Variants in KIF26B observed in about 807,000 individuals in gnomAD.
The protein encoded by KIF26B is kinesin family member 26B.
Under a neutral mutation model 151.2 loss-of-function variants are expected in KIF26B, and 63 were observed. The observed-to-expected ratio is 0.42, with a 90% CI of 0.34 to 0.51. KIF26B has a LOEUF of 0.51. KIF26B is among the 20% of genes least tolerant of loss of function. KIF26B has a pLI of 0.07. For synonymous variants in KIF26B, 1,357 were observed against 1,262.1 expected (o/e 1.08, Z -1.59); for missense variants, 2,813 against 2,913.6 (o/e 0.97, Z 0.79).
intron 4 of KIF26B, among the ~76,000 whole-genome samples, chr1:245,445,006 C>T (rs1370811329): frequency 1.3e-5 from 2 of 152,196 alleles, no homozygotes; most frequent in Non-Finnish European, 2.9e-5. Flanking sequence ...GGGGATCCCT[C>T]GCATACATCC....
intron 2 of KIF26B, among the ~76,000 whole-genome samples, chr1:245,300,398 C>T (rs1255189610): frequency 6.6e-6 from 1 of 152,146 alleles, no homozygotes; most frequent in Non-Finnish European, 1.5e-5. Context: ...GTGTGGAGTC[C>T]CAGGTCAAGC....
chr1:245,464,223 C>T (rs953868769), intron 4 of KIF26B, among the ~76,000 whole-genome samples: 2 of 152,204 alleles, frequency 1.3e-5, no homozygotes, highest in African/African-American at 4.8e-5. Context: ...ATTGAAGACC[C>T]ATCAAAGACC....
At chr1:245,255,539 A>G (rs925301077) in intron 2 of KIF26B, among the ~76,000 whole-genome samples, 1 of 152,108 alleles carries the variant, frequency 6.6e-6, no homozygotes, top group Non-Finnish European at 1.5e-5. Context: ...ACATCATGTG[A>G]TTTGTATGTT....
intron 1 of KIF26B, among the ~76,000 whole-genome samples, chr1:245,156,048 C>T (rs1199457550): frequency 6.6e-6 from 1 of 152,188 alleles, no homozygotes; most frequent in Non-Finnish European, 1.5e-5. Context: ...CCCTTCCTGA[C>T]CCCAGGAGGA....
chr1:245,545,032 C>G (rs79042743), intron 5 of KIF26B, among the ~76,000 whole-genome samples: 1 of 151,944 alleles, frequency 6.6e-6, no homozygotes, highest in African/African-American at 2.4e-5. Flanking sequence ...GGCATGCACA[C>G]GCACATGCGC....
intron 2 of KIF26B, among the ~76,000 whole-genome samples, chr1:245,253,624 G>A (rs1043374844): frequency 2.6e-5 from 4 of 151,738 alleles, no homozygotes; most frequent in Non-Finnish European, 5.9e-5. Context: ...CAGTTTGGTA[G>A]GATTTGTCTC....
intron 10 of KIF26B, 89 bp downstream of exon 10, chr1:245,646,369 A>T (rs1048881885): frequency 1.8e-5 from 26 of 1,409,590 alleles, no homozygotes; most frequent in Non-Finnish European, 1.6e-5. Flanking sequence ...GGTGTGCCAC[A>T]GAGGGACAGC....
chr1:245,174,134 G>A (rs1471253106), intron 2 of KIF26B, among the ~76,000 whole-genome samples: 1 of 152,188 alleles, frequency 6.6e-6, no homozygotes, highest in Non-Finnish European at 1.5e-5. Flanking sequence ...TTGGGTGCTT[G>A]ACAGCAATAT....
chr1:245,237,493 G>A (rs1032532541), intron 2 of KIF26B, among the ~76,000 whole-genome samples: 1 of 152,128 alleles, frequency 6.6e-6, no homozygotes, highest in African/African-American at 2.4e-5. Context: ...GCCGTGGTAA[G>A]GCCTGCTTCC....
At position 245,684,354 on chromosome 1, in the gene KIF26B, A is replaced by G; in HGVS notation, c.2380A>G (p.Ile794Val). 6.2e-7 allele frequency: 1 copy of G among 1,612,922 alleles called. No homozygotes were observed. The highest frequency in any genetic ancestry group is 1.1e-5 in the South Asian group (1 of 91,052). ...CGCGGAGACCCTGTCCACCATCCAG[A>G]TTGCATCGAGAGTCTTGAGGATGAA... ...SYAETLSTIQ[I>V]ASRVLRMKKK... Residue 794 changes from isoleucine to valine, a missense_variant, in exon 11 of 15, where the codon ATT (isoleucine) becomes GTT (valine). Physicochemically the swap from Ile to Val is conservative, Grantham distance 29. This residue lies in a region of KIF26B where 2,060 missense variants were observed against 2,088.6 expected (regional missense o/e 0.99). Coordinates refer to ENST00000407071, the MANE Select transcript of KIF26B (RefSeq NM_018012.4).
At chr1:245,235,426 TA>T (rs879421807) in intron 2 of KIF26B, among the ~76,000 whole-genome samples, 66 of 144,150 alleles carry the variant, frequency 4.6e-4, no homozygotes, top group Admixed American at 5.6e-4. Context: ...ATCCTTTCCT[TA>T]AAAAAAAAAA....
intron 10 of KIF26B, among the ~76,000 whole-genome samples, chr1:245,670,696 A>G (rs1284708195): frequency 1.3e-5 from 2 of 152,204 alleles, no homozygotes; most frequent in Admixed American, 6.5e-5. Flanking sequence ...TTTCATGGAA[A>G]AGAATGTATC....
chr1:245,596,458 G>C (rs1209299944), intron 5 of KIF26B, among the ~76,000 whole-genome samples: 1 of 152,190 alleles, frequency 6.6e-6, no homozygotes, highest in East Asian at 1.9e-4. Flanking sequence ...TTTCCATGTA[G>C]TTGTGCAGTT....
At chr1:245,305,515 G>C (rs780511174) in intron 2 of KIF26B, among the ~76,000 whole-genome samples, 16 of 152,176 alleles carry the variant, frequency 1.1e-4, no homozygotes, top group Non-Finnish European at 2.2e-4. Flanking sequence ...TTAGCTATCA[G>C]GGAAACACAA....
chr1:245,562,023 G>T (rs749504592), intron 5 of KIF26B, among the ~76,000 whole-genome samples: 1 of 152,138 alleles, frequency 6.6e-6, no homozygotes, highest in African/African-American at 2.4e-5. Context: ...GATTGCAGCT[G>T]TTTCATACCC....
chr1:245,702,657 A>G lies in KIF26B; in HGVS notation c.*51A>G. ...TCCCCCGCTCCCCAGGACTTCAGAGATGTTGCACGCCCCTAGGCCCTCTGT... is the reference window on the plus strand; with the variant it reads ...TCCCCCGCTCCCCAGGACTTCAGAGGTGTTGCACGCCCCTAGGCCCTCTGT... On this transcript the variant is annotated 3_prime_UTR_variant, in exon 15 of 15. Coordinates refer to ENST00000407071, the MANE Select transcript of KIF26B (RefSeq NM_018012.4). The surrounding 1 kb of genome is among the most constrained non-coding windows in gnomAD (Gnocchi z 4.1). The G allele has an allele frequency of 6.3e-7, 1 of 1,584,466 alleles. No homozygotes were observed. The highest frequency in any genetic ancestry group is 8.6e-7 in the Non-Finnish European group (1 of 1,162,686).
intron 2 of KIF26B, among the ~76,000 whole-genome samples, chr1:245,294,504 C>A (rs942487578): frequency 6.6e-6 from 1 of 152,056 alleles, no homozygotes; most frequent in East Asian, 1.9e-4. Context: ...ACAAGACTAC[C>A]CTTGAACAAT....
At chr1:245,301,690 G>A (rs1671431407) in intron 2 of KIF26B, among the ~76,000 whole-genome samples, 1 of 152,186 alleles carries the variant, frequency 6.6e-6, no homozygotes, top group Admixed American at 6.5e-5. Context: ...GAGAGGAAAT[G>A]TTATATTGCT....
At chr1:245,413,524 A>G (rs1173649) in intron 3 of KIF26B, among the ~76,000 whole-genome samples, 68,877 of 151,852 alleles carry the variant, frequency 0.45, 16,495 homozygotes, top group Non-Finnish European at 0.53. Flanking sequence ...TTAGCTGGGC[A>G]TGGTGGCGTC....
Sources: gnomAD v4.1 joint callset for allele counts (sites outside exome capture counted in the v4.1 genomes callset) on GRCh38, gnomAD v4.1.1 for gene constraint, gnomAD v4.1.1 regional missense constraint, Gnocchi (gnomAD v3.1) non-coding constraint, MANE v1.5 for transcripts, NCBI Gene and HGNC (gene_info 2026-07-23, HGNC 2026-07-21) for gene names.